CNKSR2: variants seen among roughly 807,000 people sequenced by gnomAD.
CNKSR2 encodes the protein CNK homolog protein 2.
Under a neutral mutation model 84.4 loss-of-function variants are expected in CNKSR2, and 14 were observed. The observed-to-expected ratio is 0.17, with a 90% confidence interval of 0.11 to 0.26. The LOEUF (loss-of-function observed/expected upper bound fraction) is 0.26, where lower values mean the gene tolerates loss of function less well. Ranked by LOEUF, CNKSR2 falls within the 10% of genes least tolerant of loss-of-function variation. The pLI is 1.00. For missense variants in CNKSR2, 485 were observed against 771.2 expected (o/e 0.63, Z 4.40); for synonymous variants, 275 against 277.9 (o/e 0.99, Z 0.10).
intron 1 of CNKSR2, among the ~76,000 whole-genome samples, chrX:21,411,446 T>C (rs2090344400): frequency 9.0e-6 from 1 of 111,548 alleles, no homozygotes; most frequent in African/African-American, 3.3e-5. Flanking sequence ...AAGATGATCC[T>C]TTCTGCGGCA....
intron 1 of CNKSR2, among the ~76,000 whole-genome samples, chrX:21,407,338 A>C (rs1019346649): frequency 1.8e-5 from 2 of 111,423 alleles, no homozygotes; most frequent in Non-Finnish European, 3.8e-5. Flanking sequence ...AATATACTCT[A>C]TGTGTTGGAG....
At chrX:21,381,647 C>T (rs1334633233) in intron 1 of CNKSR2, among the ~76,000 whole-genome samples, 1 of 112,113 alleles carries the variant, frequency 8.9e-6, no homozygotes, top group African/African-American at 3.2e-5. Flanking sequence ...TTAACATGGC[C>T]TATAAGACTC....
At chrX:21,650,278 G>A (rs111379051) in intron 21 of CNKSR2, among the ~76,000 whole-genome samples, 15,085 of 109,953 alleles carry the variant, frequency 0.14, 2,492 homozygotes, top group African/African-American at 0.47. Flanking sequence ...CTTTGCAGGG[G>A]CATAGATGAA....
At chrX:21,642,688 A>G in intron 20 of CNKSR2, 1 of 715,847 alleles carries the variant, frequency 1.4e-6, no homozygotes, top group African/African-American at 2.3e-5. Flanking sequence ...GAATACCTGT[A>G]AAAATATAAA....
At chrX:21,521,123 A>G (rs2091779004) in intron 9 of CNKSR2, among the ~76,000 whole-genome samples, 1 of 110,432 alleles carries the variant, frequency 9.1e-6, no homozygotes, top group African/African-American at 3.3e-5. Context: ...TAACAATAAA[A>G]TTTAATATTC....
At chrX:21,451,269 A>G (rs2090924549) in intron 4 of CNKSR2, among the ~76,000 whole-genome samples, 1 of 111,749 alleles carries the variant, frequency 8.9e-6, no homozygotes, top group South Asian at 3.7e-4. Context: ...AAAGACTAAG[A>G]CTAGCAAATA....
At chrX:21,605,845 T>C (rs781518204) in intron 18 of CNKSR2, among the ~76,000 whole-genome samples, 58 of 112,120 alleles carry the variant, frequency 5.2e-4, no homozygotes, top group Non-Finnish European at 9.4e-5. Flanking sequence ...TTTTGTGATT[T>C]AAATTTTCAT....
chrX:21,488,926 C>T (rs910072222), intron 5 of CNKSR2, among the ~76,000 whole-genome samples: 100 of 111,255 alleles, frequency 9.0e-4, no homozygotes, highest in African/African-American at 3.2e-3. Flanking sequence ...AGACAGAACT[C>T]AAAGTCATTC....
intron 11 of CNKSR2, among the ~76,000 whole-genome samples, chrX:21,551,642 TTTG>T (rs1483368024): frequency 8.9e-6 from 1 of 111,872 alleles, no homozygotes; most frequent in Non-Finnish European, 1.9e-5. Flanking sequence ...CGGGGACAAT[TTTG>T]TTGTCACATT....
chrX:21,555,759 C>G (rs2147175555), intron 11 of CNKSR2, among the ~76,000 whole-genome samples: 1 of 111,607 alleles, frequency 9.0e-6, no homozygotes, highest in Non-Finnish European at 1.9e-5. Context: ...AAGGGCATGT[C>G]AGACTTATGG....
At chrX:21,452,806 ATTT>A (rs1472523842) in intron 4 of CNKSR2, among the ~76,000 whole-genome samples, 1 of 103,347 alleles carries the variant, frequency 9.7e-6, no homozygotes, top group African/African-American at 3.6e-5. Flanking sequence ...ATTTTATTTT[ATTT>A]TATTTTATTT....
chrX:21,623,401 T>TC (rs2092610251), intron 20 of CNKSR2, among the ~76,000 whole-genome samples: 1 of 111,780 alleles, frequency 8.9e-6, no homozygotes, highest in Admixed American at 9.5e-5. Flanking sequence ...CTGTAATCTA[T>TC]CTAGTGCAAG....
intron 11 of CNKSR2, among the ~76,000 whole-genome samples, chrX:21,533,102 A>G (rs2091899314): frequency 9.0e-6 from 1 of 111,156 alleles, no homozygotes; most frequent in African/African-American, 3.3e-5. Flanking sequence ...AACCATACTT[A>G]TCTTACCTTG....
intron 3 of CNKSR2, among the ~76,000 whole-genome samples, chrX:21,439,874 C>T (rs1429060885): frequency 9.1e-6 from 1 of 110,396 alleles, no homozygotes; most frequent in Non-Finnish European, 1.9e-5. Context: ...TATACCATCT[C>T]TTCCGGAAAA....
chrX:21,520,861 G>T (rs1157532570), intron 9 of CNKSR2, among the ~76,000 whole-genome samples: 1 of 109,597 alleles, frequency 9.1e-6, no homozygotes, highest in Non-Finnish European at 1.9e-5. Context: ...CTCTCATTTT[G>T]CTGCCATAGT....
intron 13 of CNKSR2, among the ~76,000 whole-genome samples, chrX:21,563,963 A>G (rs2092215926): frequency 1.8e-5 from 2 of 110,901 alleles, no homozygotes; most frequent in Admixed American, 1.9e-4. Flanking sequence ...TATAAGAGGA[A>G]CATAGGAGAA....
chrX:21,581,050 TAA>T (rs2092350015), intron 13 of CNKSR2, among the ~76,000 whole-genome samples: 1 of 111,908 alleles, frequency 8.9e-6, no homozygotes, highest in African/African-American at 3.2e-5. Flanking sequence ...TGGCTGGTGA[TAA>T]GTTATTTCCA....
intron 13 of CNKSR2, among the ~76,000 whole-genome samples, chrX:21,565,139 A>C (rs2092227018): frequency 9.0e-6 from 1 of 111,529 alleles, no homozygotes. Flanking sequence ...AAGGAAGAAG[A>C]GACCATCACT....
chrX:21,490,642 G>C (rs2091433237), intron 6 of CNKSR2, 64 bp downstream of exon 6: 1 of 1,059,292 alleles, frequency 9.4e-7, no homozygotes, highest in African/African-American at 1.9e-5. Flanking sequence ...TGTGGACAAA[G>C]CAGCCTCTGA....
Sources: gnomAD v4.1 joint callset for allele counts (sites outside exome capture counted in the v4.1 genomes callset) on GRCh38, gnomAD v4.1.1 for gene constraint, MANE v1.5 for transcripts, NCBI Gene and HGNC (gene_info 2026-07-23, HGNC 2026-07-21) for gene names.